UBXN4: variants seen among roughly 807,000 people sequenced by gnomAD.
The protein encoded by UBXN4 is UBX domain-containing protein 4.
A neutral mutation model predicts 66.2 loss-of-function variants in UBXN4; 35 were observed. The observed-to-expected ratio is 0.53, with a 90% CI of 0.40 to 0.70. The LOEUF (loss-of-function observed/expected upper bound fraction) is 0.70. Among genes scored for constraint, UBXN4 ranks in the 30% least tolerant of loss-of-function variants. The pLI is 0.00. For synonymous variants in UBXN4, 203 were observed against 204.5 expected (o/e 0.99, Z 0.06); for missense variants, 533 against 599.8 (o/e 0.89, Z 1.16).
chr2:135,764,870 A>G (rs1251836239), intron 6 of UBXN4, among the ~76,000 whole-genome samples: 3 of 152,212 alleles, frequency 2.0e-5, no homozygotes, highest in East Asian at 3.8e-4. Context: ...GCTGGAGTGC[A>G]GTGACATGAT....
At chr2:135,770,209 C>T (rs576350246) in intron 7 of UBXN4, among the ~76,000 whole-genome samples, 12 of 152,230 alleles carry the variant, frequency 7.9e-5, no homozygotes, top group African/African-American at 2.9e-4. Flanking sequence ...TTTTTCTCAC[C>T]ATGTATACCT....
At chr2:135,748,545 C>T (rs1371157511) in intron 2 of UBXN4, among the ~76,000 whole-genome samples, 176 bp downstream of exon 2, 2 of 151,048 alleles carry the variant, frequency 1.3e-5, no homozygotes, top group African/African-American at 4.9e-5. Context: ...GCCTGGGCAA[C>T]ATAGTGAGAC....
rs906128419 is a variant in UBXN4, at chr2:135,753,990, A to C, written c.215-169A>C. ...TATACCTCATAAATTAACATGTCACATGTATTAATACTACAGGTATAATGA... is the reference window on the plus strand; with the variant it reads ...TATACCTCATAAATTAACATGTCACCTGTATTAATACTACAGGTATAATGA... On this transcript the variant is annotated intron_variant, in intron 3 of 12. Coordinates refer to ENST00000272638, the MANE Select transcript of UBXN4 (RefSeq NM_014607.4). The C allele has an allele frequency of 1.2e-5, 7 of 561,748 alleles. No homozygotes were observed. The Admixed American group carries it at 1.4e-4, about 11-fold the overall frequency. 34.8% of individuals were successfully genotyped at this position (561,748 alleles called of 1,614,324 possible).
chr2:135,743,889 A>C (rs1187249946), intron 1 of UBXN4, among the ~76,000 whole-genome samples: 1 of 152,154 alleles, frequency 6.6e-6, no homozygotes, highest in Non-Finnish European at 1.5e-5. Flanking sequence ...TCTTCAATTA[A>C]GTTTTTACTG....
At chr2:135,758,581 T>C (rs1361494510) in intron 5 of UBXN4, among the ~76,000 whole-genome samples, 4 of 152,082 alleles carry the variant, frequency 2.6e-5, no homozygotes, top group Admixed American at 2.0e-4. Flanking sequence ...AAAAATAGTA[T>C]AAGAAAACCC....
At chr2:135,760,603 C>G (rs900209734) in intron 5 of UBXN4, among the ~76,000 whole-genome samples, 3 of 152,280 alleles carry the variant, frequency 2.0e-5, no homozygotes, top group South Asian at 4.1e-4. Context: ...CAACACTTTT[C>G]CCCCAGCTTG....
At chr2:135,753,676 C>G (rs2077261043) in intron 3 of UBXN4, 109 bp downstream of exon 3, 1 of 989,596 alleles carries the variant, frequency 1.0e-6, no homozygotes, top group Admixed American at 3.7e-5. Flanking sequence ...ATCATACATT[C>G]TTTTTTATGG....
intron 6 of UBXN4, among the ~76,000 whole-genome samples, chr2:135,765,995 A>G (rs2077344944): frequency 6.6e-6 from 1 of 152,162 alleles, no homozygotes; most frequent in Non-Finnish European, 1.5e-5. Flanking sequence ...TCTACTAAAA[A>G]TACAAAAATT....
chr2:135,771,752 G>A (rs1422834611), intron 8 of UBXN4, among the ~76,000 whole-genome samples: 2 of 151,940 alleles, frequency 1.3e-5, no homozygotes, highest in African/African-American at 4.8e-5. Context: ...TAGTAGAGAC[G>A]GGATTTCATC....
In UBXN4 at chr2:135,741,996, G is replaced by C. The variant is rs761686220; in HGVS notation, c.67G>C (p.Val23Leu). Residue 23 changes from valine (V) to leucine (L), a missense_variant, in exon 1 of 13, where the codon GTG becomes CTG. Coordinates refer to ENST00000272638, the MANE Select transcript of UBXN4 (RefSeq NM_014607.4). ...ATAKRSGAVFVVFVAGDDEQS... is the reference protein window; with the variant it reads ...ATAKRSGAVFLVFVAGDDEQS... Reference sequence around the variant, plus strand: ...GGCCAAAAGGAGCGGCGCGGTCTTCGTGGTGTTCGTGGCAGGTGAAGGAGG... The same window carrying C: ...GGCCAAAAGGAGCGGCGCGGTCTTCCTGGTGTTCGTGGCAGGTGAAGGAGG... 1 of 1,613,388 alleles carries C rather than the reference G, an allele frequency of 6.2e-7. No homozygotes were observed. The highest frequency in any genetic ancestry group is 1.3e-5 in the African/African-American group (1 of 74,982).
At chr2:135,764,282 T>A (rs2077334603) in intron 6 of UBXN4, among the ~76,000 whole-genome samples, 1 of 152,204 alleles carries the variant, frequency 6.6e-6, no homozygotes, top group South Asian at 2.1e-4. Context: ...AGTCTTAGGC[T>A]TTTTTCTCAT....
At chr2:135,754,339 T>G in intron 4 of UBXN4, 62 bp downstream of exon 4, 1 of 1,302,866 alleles carries the variant, frequency 7.7e-7, no homozygotes, top group Non-Finnish European at 1.1e-6. Context: ...TTTTTTTTTT[T>G]GAGATGGAGT....
rs976160697 is a variant in UBXN4 at position 135,745,295 on chromosome 2, C to T, written c.83-2972C>T. Among the ~76,000 whole-genome samples, 8 of 152,174 alleles carry T rather than the reference C, an allele frequency of 5.3e-5. No homozygotes were observed. The East Asian group carries it at 5.8e-4, about 11-fold the overall frequency. Reference sequence around the variant, plus strand: ...TTTCCCTACACACGTATTCCTTCTGCGTGGTGAACTCTTCTGGCTGTTGGC... The same window carrying T: ...TTTCCCTACACACGTATTCCTTCTGTGTGGTGAACTCTTCTGGCTGTTGGC... On this transcript the variant is annotated intron_variant, in intron 1 of 12. Transcript: ENST00000272638.
chr2:135,774,584 C>T (rs915128639), intron 9 of UBXN4, among the ~76,000 whole-genome samples: 1 of 152,164 alleles, frequency 6.6e-6, no homozygotes, highest in African/African-American at 2.4e-5. Context: ...GTAGCTCACA[C>T]CTATAATCCC....
chr2:135,770,590 T>A lies in UBXN4; in HGVS notation c.677T>A (p.Ile226Asn). The change falls in exon 8 of 13, where the codon ATT becomes AAT. Residue 226 changes from isoleucine to asparagine, a missense_variant. By Grantham distance (149) the Ile-to-Asn change is moderately radical. Transcript: ENST00000272638. ...ATTCAGAGAGAAATTAAGAAGGAAA[T>A]TGAGAGGAGAAAAACTGGAAAAGAA... Reference protein sequence around the residue: ...EEEQREIKKEIERRKTGKEML... With the variant: ...EEEQREIKKENERRKTGKEML... 1 of 1,513,722 alleles carries A rather than the reference T, an allele frequency of 6.6e-7. No homozygotes were observed. The highest frequency in any genetic ancestry group is 8.8e-7 in the Non-Finnish European group (1 of 1,133,714). 93.8% of individuals were successfully genotyped at this position (1,513,722 alleles called of 1,614,324 possible).
chr2:135,776,386 T>C, intron 10 of UBXN4, 35 bp downstream of exon 10: 2 of 1,553,044 alleles, frequency 1.3e-6, no homozygotes, highest in Non-Finnish European at 8.8e-7. Flanking sequence ...TAAAAATAGA[T>C]GTGTAGGTTA....
chr2:135,743,901 T>A (rs1183391656), intron 1 of UBXN4, among the ~76,000 whole-genome samples: 1 of 152,222 alleles, frequency 6.6e-6, no homozygotes, highest in Non-Finnish European at 1.5e-5. Context: ...TTTTTACTGA[T>A]GAGCATGTAT....
At chr2:135,748,919 C>T (rs1410804842) in intron 2 of UBXN4, among the ~76,000 whole-genome samples, 1 of 151,644 alleles carries the variant, frequency 6.6e-6, no homozygotes, top group Non-Finnish European at 1.5e-5. Context: ...GCCTGTAATC[C>T]CAGCTACTCG....
intron 2 of UBXN4, among the ~76,000 whole-genome samples, chr2:135,748,780 A>G (rs2077225132): frequency 6.6e-6 from 1 of 151,908 alleles, no homozygotes; most frequent in African/African-American, 2.4e-5. Context: ...CTGTAATCCC[A>G]GAACTTTGGG....
Sources: allele counts gnomAD v4.1 joint callset (sites outside exome capture counted in the v4.1 genomes callset), GRCh38; gene constraint gnomAD v4.1.1; transcripts MANE v1.5; gene names NCBI Gene and HGNC (gene_info 2026-07-23, HGNC 2026-07-21).